DOK5: variants seen among roughly 807,000 people sequenced by gnomAD.
DOK5 encodes the protein downstream of tyrosine kinase 5.
Under a neutral mutation model 43.3 loss-of-function variants are expected in DOK5, and 27 were observed. That is an observed-to-expected ratio of 0.62 (90% confidence interval 0.46 to 0.86). The LOEUF (loss-of-function observed/expected upper bound fraction) is 0.86, where lower values mean the gene tolerates loss of function less well. Ranked by LOEUF, DOK5 falls within the 40% of genes least tolerant of loss-of-function variation. The pLI, the probability that DOK5 is intolerant of heterozygous loss-of-function variation, is 0.00. For missense variants in DOK5, 373 were observed against 392.9 expected (o/e 0.95, Z 0.43); for synonymous variants, 146 against 140.1 (o/e 1.04, Z -0.30).
At chr20:54,587,552 C>T (rs1985844821) in intron 2 of DOK5, among the ~76,000 whole-genome samples, 1 of 152,152 alleles carries the variant, frequency 6.6e-6, no homozygotes, top group Non-Finnish European at 1.5e-5. Flanking sequence ...CTTGTAAATA[C>T]TTACCCTGAA....
chr20:54,582,154 T>G (rs1359893949), intron 2 of DOK5, among the ~76,000 whole-genome samples: 1 of 151,950 alleles, frequency 6.6e-6, no homozygotes, highest in African/African-American at 2.4e-5. Flanking sequence ...TTTCTTCTGT[T>G]AATGTGGTGT....
At chr20:54,515,572 G>T (rs551111714) in intron 1 of DOK5, among the ~76,000 whole-genome samples, 17 of 152,196 alleles carry the variant, frequency 1.1e-4, no homozygotes, top group Non-Finnish European at 2.1e-4. Context: ...AGTACATCTT[G>T]TTGCTATTCA....
chr20:54,550,503 T>A (rs143859443), intron 1 of DOK5, among the ~76,000 whole-genome samples: 1 of 152,332 alleles, frequency 6.6e-6, no homozygotes, highest in Non-Finnish European at 1.5e-5. Flanking sequence ...GATGTTAACC[T>A]GTTACAGCCA....
intron 2 of DOK5, among the ~76,000 whole-genome samples, chr20:54,567,191 C>T (rs1172566570): frequency 2.0e-5 from 3 of 152,008 alleles, no homozygotes; most frequent in Admixed American, 2.0e-4. Flanking sequence ...TTTGATGAGA[C>T]CCAATTTCTG....
intron 1 of DOK5, among the ~76,000 whole-genome samples, chr20:54,540,239 C>T (rs1275334936): frequency 1.3e-5 from 2 of 152,016 alleles, no homozygotes. Flanking sequence ...GACCACAGAC[C>T]TGGTGTTGTG....
intron 1 of DOK5, among the ~76,000 whole-genome samples, chr20:54,518,538 G>C (rs1273239192): frequency 6.6e-6 from 1 of 152,054 alleles, no homozygotes; most frequent in Non-Finnish European, 1.5e-5. Context: ...TGGACATTTG[G>C]GTTGGTTCCA....
At chr20:54,528,730 G>A (rs761996286) in intron 1 of DOK5, among the ~76,000 whole-genome samples, 17 of 152,318 alleles carry the variant, frequency 1.1e-4, no homozygotes, top group Non-Finnish European at 2.5e-4. Flanking sequence ...CTGGGAGGCA[G>A]CTTTTTGGAA....
chr20:54,480,634 A>G (rs1364911037), intron 1 of DOK5, among the ~76,000 whole-genome samples: 1 of 152,174 alleles, frequency 6.6e-6, no homozygotes, highest in African/African-American at 2.4e-5. Flanking sequence ...ACTTGCCCTG[A>G]ATTCTTTGCT....
chr20:54,519,975 G>A (rs1983336024), intron 1 of DOK5, among the ~76,000 whole-genome samples: 1 of 152,200 alleles, frequency 6.6e-6, no homozygotes, highest in Non-Finnish European at 1.5e-5. Context: ...ACATCCAAGT[G>A]TGTTTTAACC....
chr20:54,519,400 A>G (rs1384352628), intron 1 of DOK5, among the ~76,000 whole-genome samples: 3 of 152,190 alleles, frequency 2.0e-5, no homozygotes, highest in African/African-American at 7.2e-5. Context: ...CTTATAAATT[A>G]TAATAGTTAT....
At chr20:54,613,508 G>T (rs1986717401) in intron 6 of DOK5, among the ~76,000 whole-genome samples, 1 of 152,108 alleles carries the variant, frequency 6.6e-6, no homozygotes, top group African/African-American at 2.4e-5. Flanking sequence ...GAACATACCT[G>T]TTTCTCACTT....
intron 6 of DOK5, among the ~76,000 whole-genome samples, chr20:54,617,359 C>G (rs1436652562): frequency 6.6e-6 from 1 of 151,820 alleles, no homozygotes; most frequent in Admixed American, 6.6e-5. Flanking sequence ...GAGACAGAGT[C>G]TTGCTCTGTT....
intron 1 of DOK5, among the ~76,000 whole-genome samples, chr20:54,538,838 G>A (rs538081959): frequency 2.0e-5 from 3 of 152,150 alleles, no homozygotes; most frequent in South Asian, 2.1e-4. Context: ...TGACCAAATG[G>A]GTAAACAAAC....
intron 1 of DOK5, among the ~76,000 whole-genome samples, chr20:54,509,489 C>G (rs1415393281): frequency 1.3e-5 from 2 of 152,190 alleles, no homozygotes; most frequent in Admixed American, 6.5e-5. Context: ...CCACTATGCC[C>G]AGTTGGGAAA....
intron 2 of DOK5, among the ~76,000 whole-genome samples, chr20:54,584,605 GTAATGT>G (rs1300930811): frequency 1.5e-4 from 22 of 150,372 alleles, no homozygotes; most frequent in Non-Finnish European, 3.1e-4. Flanking sequence ...TACATGTAAT[GTAATGT>G]TATAGTACTA....
intron 1 of DOK5, among the ~76,000 whole-genome samples, chr20:54,487,040 T>A (rs958539219): frequency 2.0e-5 from 3 of 152,204 alleles, no homozygotes; most frequent in Non-Finnish European, 4.4e-5. Flanking sequence ...GAGCCTCCAG[T>A]GAAATCCTAT....
intron 6 of DOK5, among the ~76,000 whole-genome samples, chr20:54,618,760 A>G (rs2066752346): frequency 6.6e-6 from 1 of 151,942 alleles, no homozygotes; most frequent in African/African-American, 2.4e-5. Context: ...ACTCATGCCT[A>G]TAATCTTAGC....
At chr20:54,533,668 C>G (rs950097554) in intron 1 of DOK5, among the ~76,000 whole-genome samples, 1 of 152,122 alleles carries the variant, frequency 6.6e-6, no homozygotes, top group Non-Finnish European at 1.5e-5. Context: ...GTTATTTACT[C>G]AAAGCAGAAT....
At chr20:54,642,359 T>A (rs906891432) in intron 6 of DOK5, among the ~76,000 whole-genome samples, 1 of 152,074 alleles carries the variant, frequency 6.6e-6, no homozygotes, top group African/African-American at 2.4e-5. Context: ...TCAAACAGAC[T>A]TTTATTTTTT....
Sources: allele counts gnomAD v4.1 joint callset (sites outside exome capture counted in the v4.1 genomes callset), GRCh38; gene constraint gnomAD v4.1.1; transcripts MANE v1.5; gene names NCBI Gene and HGNC (gene_info 2026-07-23, HGNC 2026-07-21).